ADGRA1: variants seen among roughly 807,000 people sequenced by gnomAD.
ADGRA1 encodes G-protein coupled receptor 123.
ADGRA1 carries 12 observed loss-of-function variants against 21.3 expected under a neutral mutation model. The ratio of observed to expected loss-of-function variants is 0.56; its 90% CI spans 0.36 to 0.91. The LOEUF (loss-of-function observed/expected upper bound fraction) is 0.91, where lower values mean the gene tolerates loss of function less well. ADGRA1 is among the 40% of genes least tolerant of loss of function. ADGRA1 has a pLI of 0.01. For missense variants in ADGRA1, 790 were observed against 805.6 expected, an observed-to-expected ratio of 0.98 and a Z score of 0.23; for synonymous variants, 385 against 368.8, an observed-to-expected ratio of 1.04 and a Z score of -0.50.
chr10:133,107,916 G>A (rs1851921333), intron 5 of ADGRA1, among the ~76,000 whole-genome samples: 1 of 152,212 alleles, frequency 6.6e-6, no homozygotes, highest in Admixed American at 6.5e-5. Context: ...GTCTCTGCAA[G>A]GAGATCTTCA....
At chr10:133,125,699 G>A (rs1471357329) in intron 5 of ADGRA1, among the ~76,000 whole-genome samples, 6 of 152,168 alleles carry the variant, frequency 3.9e-5, no homozygotes, top group Non-Finnish European at 2.9e-5. Flanking sequence ...AAAGAGCAGG[G>A]ATTACAGGCG....
At chr10:133,109,576 C>G (rs1305211253) in intron 5 of ADGRA1, among the ~76,000 whole-genome samples, 1 of 152,178 alleles carries the variant, frequency 6.6e-6, no homozygotes, top group Non-Finnish European at 1.5e-5. Context: ...CCAGCCTCCT[C>G]CCTGCACCTC....
At chr10:133,119,983 C>T (rs1192495104) in intron 5 of ADGRA1, among the ~76,000 whole-genome samples, 2 of 152,208 alleles carry the variant, frequency 1.3e-5, no homozygotes, top group Non-Finnish European at 2.9e-5. Flanking sequence ...GTTCCTGGCT[C>T]CGTTAGCCCC....
intron 5 of ADGRA1, 113 bp downstream of exon 5, chr10:133,102,955 C>G (rs994353728): frequency 1.8e-6 from 2 of 1,136,214 alleles, no homozygotes; most frequent in Non-Finnish European, 2.4e-6. Context: ...GAGGATGATC[C>G]GGTCCATGGG....
At chr10:133,095,952 C>G (rs892741902) in intron 2 of ADGRA1, among the ~76,000 whole-genome samples, 4 of 152,222 alleles carry the variant, frequency 2.6e-5, no homozygotes, top group African/African-American at 9.6e-5. Context: ...ACAGGTGCAG[C>G]GATCACCAGG....
At chr10:133,095,710 G>T in intron 2 of ADGRA1, 1 of 1,597,882 alleles carries the variant, frequency 6.3e-7, no homozygotes, top group Non-Finnish European at 8.5e-7. Flanking sequence ...TTGGCTGGAC[G>T]GACAAGAAGT....
At chr10:133,114,170 G>A (rs1208669759) in intron 5 of ADGRA1, among the ~76,000 whole-genome samples, 1 of 152,196 alleles carries the variant, frequency 6.6e-6, no homozygotes, top group Admixed American at 6.5e-5. Flanking sequence ...CGCACACTTA[G>A]CTCCCCTGAG....
chr10:133,097,640 T>TGATCACAG (rs1171288066), intron 3 of ADGRA1, among the ~76,000 whole-genome samples: 1 of 152,224 alleles, frequency 6.6e-6, no homozygotes, highest in Non-Finnish European at 1.5e-5. Context: ...CACGAGGCTG[T>TGATCACAG]GATCACAGGA....
Position 133,098,772 on chromosome 10 carries a change from C to G in ADGRA1, c.255+9C>G, listed in dbSNP as rs545831645. On this transcript the variant is annotated intron_variant, in intron 4 of 6. Coordinates refer to ENST00000392607, the MANE Select transcript of ADGRA1 (RefSeq NM_001083909.3). ...CCATCCTGTGCCAGGCGGTGAGTGC[C>G]GGGGCGCCCTCGTTGGCTCCTCCCA... is the stretch of plus-strand genomic sequence containing the variant. 3.1e-6 allele frequency: 5 copies of G among 1,608,360 alleles called. No homozygotes were observed. Among genetic ancestry groups the G allele is most frequent in the Non-Finnish European group, 4.2e-6 (5 of 1,179,166 alleles).
At chr10:133,096,446 G>A (rs1356761374) in intron 2 of ADGRA1, among the ~76,000 whole-genome samples, 1 of 152,190 alleles carries the variant, frequency 6.6e-6, no homozygotes, top group East Asian at 1.9e-4. Context: ...GTCCAGGTCT[G>A]TTGGTGCCGA....
chr10:133,115,926 C>G (rs1852148329), intron 5 of ADGRA1, among the ~76,000 whole-genome samples: 1 of 152,160 alleles, frequency 6.6e-6, no homozygotes, highest in African/African-American at 2.4e-5. Context: ...CGCTTTGCTC[C>G]AGCATCCACC....
intron 5 of ADGRA1, among the ~76,000 whole-genome samples, chr10:133,105,715 C>T (rs1387351943): frequency 2.0e-5 from 3 of 152,226 alleles, no homozygotes; most frequent in South Asian, 2.1e-4. Context: ...CGGACACCCC[C>T]CAAGACCCCC....
Position 133,128,882 on chromosome 10 carries a change from C to A in ADGRA1, c.1054C>A (p.Pro352Thr). ...ACLHSPGLGQ[P>T]RGFAHPPGPC... ...CCTGCACTCGCCGGGACTGGGCCAGCCACGGGGCTTCGCGCACCCACCGGG... is the reference window on the plus strand; with the variant it reads ...CCTGCACTCGCCGGGACTGGGCCAGACACGGGGCTTCGCGCACCCACCGGG... The change falls in exon 7 of 7, where the codon CCA becomes ACA. Residue 352 changes from proline to threonine, a missense_variant. Pro to Thr is a conservative substitution (Grantham distance 38, BLOSUM62 -1). Around this residue, in one of 3 missense-constraint regions of ADGRA1, gnomAD observed 391 missense variants for 351.5 expected, o/e 1.11. Transcript: ENST00000392607. 1 of 1,567,354 alleles carries A rather than the reference C, an allele frequency of 6.4e-7. No individual in the cohort carries two copies.
At chr10:133,101,333 C>A (rs1490886307) in intron 4 of ADGRA1, among the ~76,000 whole-genome samples, 1 of 152,226 alleles carries the variant, frequency 6.6e-6, no homozygotes, top group Admixed American at 6.5e-5. Context: ...GCTATGGCAA[C>A]AAAGAGATGG....
At chr10:133,105,619 A>G (rs1318733129) in intron 5 of ADGRA1, among the ~76,000 whole-genome samples, 2 of 152,162 alleles carry the variant, frequency 1.3e-5, no homozygotes, top group African/African-American at 2.4e-5. Flanking sequence ...CACACGCCTG[A>G]GCCCCTTTCT....
At chr10:133,092,138 G>A (rs1259478715) in intron 2 of ADGRA1, among the ~76,000 whole-genome samples, 2 of 152,276 alleles carry the variant, frequency 1.3e-5, no homozygotes, top group Non-Finnish European at 2.9e-5. Flanking sequence ...CATTCAGGAG[G>A]TGGGAGGGGC....
rs182050907 is a variant in ADGRA1, at chr10:133,131,233, C to T, written c.*1722C>T. On this transcript the variant is annotated 3_prime_UTR_variant, in exon 7 of 7. Transcript: ENST00000392607. ...TTGACCGTGACTCAGTAACCCACAGCGTGCTCCTCCCAGCAAACCCCGTGT... is the reference window on the plus strand; with the variant it reads ...TTGACCGTGACTCAGTAACCCACAGTGTGCTCCTCCCAGCAAACCCCGTGT... 2.6e-5 allele frequency: 4 copies of T among 152,368 alleles called. No individual in the cohort carries two copies. Among genetic ancestry groups the T allele is most frequent in the East Asian group, 1.9e-4 (1 of 5,180 alleles). The allele number at this position is 152,368 out of a possible 1,614,324, so 9.4% of individuals were successfully genotyped here. A position where few individuals can be genotyped will look rare whatever the true frequency, so the allele number is the denominator to read the frequency against.
chr10:133,121,781 T>C (rs1162743658), intron 5 of ADGRA1, among the ~76,000 whole-genome samples: 5 of 148,796 alleles, frequency 3.4e-5, no homozygotes, highest in African/African-American at 1.3e-4. Context: ...TGAGTGTGCG[T>C]GTCGTGTGCC....
intron 2 of ADGRA1, among the ~76,000 whole-genome samples, chr10:133,091,358 G>A (rs1264991338): frequency 6.6e-6 from 1 of 152,202 alleles, no homozygotes; most frequent in Admixed American, 6.5e-5. Context: ...GGGATGGGCG[G>A]TGTGGCTGGT....
Sources: gnomAD v4.1 joint callset for allele counts (sites outside exome capture counted in the v4.1 genomes callset) on GRCh38, gnomAD v4.1.1 for gene constraint, gnomAD v4.1.1 regional missense constraint, MANE v1.5 for transcripts, NCBI Gene and HGNC (gene_info 2026-07-23, HGNC 2026-07-21) for gene names.